The following CIITA variants were observed in gnomAD, a reference collection of about 807,000 sequenced individuals.
CIITA encodes the protein class II major histocompatibility complex transactivator, also known as MHC class II transactivator.
Under a neutral mutation model 115.1 loss-of-function variants are expected in CIITA, and 72 were observed. The ratio of observed to expected loss-of-function variants is 0.63; its 90% CI spans 0.52 to 0.76. CIITA has a LOEUF of 0.76. CIITA is among the 30% of genes least tolerant of loss of function. CIITA has a pLI of 0.00. For synonymous variants in CIITA, 763 were observed against 635.6 expected (o/e 1.20, Z -3.02); for missense variants, 1,617 against 1,463.8 (o/e 1.10, Z -1.71).
chr16:10,900,630 C>T (rs1298783991), intron 5 of CIITA, among the ~76,000 whole-genome samples: 1 of 151,990 alleles, frequency 6.6e-6, no homozygotes, highest in Non-Finnish European at 1.5e-5. Flanking sequence ...ATCCCAGCTA[C>T]CAGGGAGGCT....
chr16:10,867,106 T>C (rs931463892), intron 1 of CIITA, among the ~76,000 whole-genome samples: 3 of 152,022 alleles, frequency 2.0e-5, no homozygotes, highest in African/African-American at 4.8e-5. Context: ...CAGCCAGACA[T>C]CCTGGTGGGT....
chr16:10,899,484 G>T (rs929728058), intron 5 of CIITA, among the ~76,000 whole-genome samples: 34 of 152,308 alleles, frequency 2.2e-4, no homozygotes, highest in African/African-American at 7.9e-4. Flanking sequence ...CACCTTGTGT[G>T]TCTTTTTCCT....
In CIITA at chr16:10,901,496, C is replaced by A; in HGVS notation, c.437-18C>A. 6.2e-7 allele frequency: 1 copy of A among 1,614,004 alleles called. No homozygotes were observed. The highest frequency in any genetic ancestry group is 8.5e-7 in the Non-Finnish European group (1 of 1,179,980). On this transcript the variant is annotated intron_variant, in intron 5 of 19. Transcript: ENST00000324288. The surrounding 1 kb of genome is among the most constrained non-coding windows in gnomAD (Gnocchi z 6.8). Reference sequence around the variant, plus strand: ...ACATCCTCTCCCTGGGGCAGCTGATCACATGTTTTCTCTGCAGCCTTCCCA... The same window carrying A: ...ACATCCTCTCCCTGGGGCAGCTGATAACATGTTTTCTCTGCAGCCTTCCCA...
At position 10,879,531 on chromosome 16, in the gene CIITA, G is replaced by A. The variant is rs554196187; in HGVS notation, c.52+2149G>A. Among the ~76,000 whole-genome samples the A allele has an allele frequency of 1.3e-5, 2 of 152,176 alleles. No individual in the cohort carries two copies. Among genetic ancestry groups the A allele is most frequent in the South Asian group, 4.1e-4 (2 of 4,820 alleles). ...GGGTATTGGGCTCTCCAGGCGGGGG[G>A]CCCTGCTCAGGGAGGCAGTAGGGAG... On this transcript the variant is annotated intron_variant, in intron 1 of 19. Transcript: ENST00000324288. The surrounding 1 kb of genome is among the most constrained non-coding windows in gnomAD (Gnocchi z 4.3).
chr16:10,889,934 C>T (rs2037378290), intron 1 of CIITA, among the ~76,000 whole-genome samples: 1 of 152,202 alleles, frequency 6.6e-6, no homozygotes, highest in Non-Finnish European at 1.5e-5. Context: ...TTCACTGAGG[C>T]GTGTGAACCT....
intron 1 of CIITA, among the ~76,000 whole-genome samples, chr16:10,870,207 T>C (rs927237763): frequency 2.7e-5 from 4 of 147,550 alleles, no homozygotes; most frequent in African/African-American, 1.0e-4. Context: ...AGTACTGCTT[T>C]AGCTTCCTCT....
At chr16:10,893,072 C>T (rs1017206646) in intron 1 of CIITA, among the ~76,000 whole-genome samples, 1 of 152,102 alleles carries the variant, frequency 6.6e-6, no homozygotes, top group African/African-American at 2.4e-5. Context: ...GCCACTAAAG[C>T]TGAGTTTAGA....
intron 1 of CIITA, among the ~76,000 whole-genome samples, chr16:10,886,480 C>T (rs1280033314): frequency 1.3e-5 from 2 of 152,146 alleles, no homozygotes; most frequent in Admixed American, 1.3e-4. Context: ...AACATTTCTT[C>T]AGGATATATA....
Position 10,927,690 on chromosome 16 carries a change from C to G in CIITA, c.*3835C>G, listed in dbSNP as rs1386636942. 1 of 152,160 alleles carries G rather than the reference C, an allele frequency of 6.6e-6. No individual in the cohort carries two copies. The highest frequency in any genetic ancestry group is 2.4e-5 in the African/African-American group (1 of 41,426). The allele number at this position is 152,160 out of a possible 1,614,324, so 9.4% of individuals were successfully genotyped here. A position where few individuals can be genotyped will look rare whatever the true frequency, so the allele number is the denominator to read the frequency against. ...GAGTCCTGGTGTGGAGCCTTTTAAC[C>G]CAGAGGGGCATCTTTTCGTAGTTAA... On this transcript the variant is annotated 3_prime_UTR_variant, in exon 20 of 20. Transcript: ENST00000324288.
chr16:10,900,937 C>T (rs1029252075), intron 5 of CIITA, among the ~76,000 whole-genome samples: 8 of 152,134 alleles, frequency 5.3e-5, no homozygotes, highest in South Asian at 2.1e-4. Context: ...TTTCAATGTA[C>T]ATTTCAAATG....
At position 10,877,357 on chromosome 16, in the gene CIITA, T is replaced by C; in HGVS notation, c.27T>C (p.Ala9=). The change falls in exon 1 of 20, where the codon GCT becomes GCC. Residue 9 remains alanine, a synonymous_variant. Coordinates refer to ENST00000324288, the MANE Select transcript of CIITA (RefSeq NM_000246.4). MRCLAPRP[A]GSYLSEPQGS... Reference sequence around the variant, plus strand: ...TGCGTTGCCTGGCTCCACGCCCTGCTGGGTCCTACCTGTCAGAGCCCCAAG... The same window carrying C: ...TGCGTTGCCTGGCTCCACGCCCTGCCGGGTCCTACCTGTCAGAGCCCCAAG... 6.2e-7 allele frequency: 1 copy of C among 1,613,412 alleles called. No homozygotes were observed. Among genetic ancestry groups the C allele is most frequent in the Middle Eastern group, 1.7e-4 (1 of 6,050 alleles).
chr16:10,874,569 A>G (rs1221594746), upstream of CIITA, among the ~76,000 whole-genome samples: 1 of 152,236 alleles, frequency 6.6e-6, no homozygotes, highest in Non-Finnish European at 1.5e-5. Flanking sequence ...CTCTGCCATC[A>G]GTCAAACACA....
In CIITA at chr16:10,923,601, C is replaced by T. The variant is rs2040393134; in HGVS notation, c.*22+276C>T. Among the ~76,000 whole-genome samples the T allele has an allele frequency of 6.6e-6, 1 of 152,154 alleles. No homozygotes were observed. The highest frequency in any genetic ancestry group is 2.1e-4 in the South Asian group (1 of 4,824). ...ACAGCCTCAGTGCTTGGAAGAGCTT[C>T]CTTTGGGGACTCCAAGCCTTCCCAG... On this transcript the variant is annotated intron_variant, in intron 19 of 19. Transcript: ENST00000324288. The surrounding 1 kb of genome is among the most constrained non-coding windows in gnomAD (Gnocchi z 5.2).
intron 1 of CIITA, among the ~76,000 whole-genome samples, chr16:10,889,817 C>A (rs371787826): frequency 3.9e-5 from 6 of 152,314 alleles, no homozygotes; most frequent in African/African-American, 1.4e-4. Context: ...TTCTCCAGAA[C>A]TAATATTGGG....
intron 13 of CIITA, among the ~76,000 whole-genome samples, chr16:10,912,302 C>T (rs986347740): frequency 1.3e-5 from 2 of 152,032 alleles, no homozygotes; most frequent in South Asian, 2.1e-4. Context: ...TTAGTAGAGA[C>T]GGGCTTTAAC....
intron 1 of CIITA, among the ~76,000 whole-genome samples, chr16:10,869,606 C>T (rs1374497395): frequency 6.6e-6 from 1 of 151,718 alleles, no homozygotes. Context: ...CAACTTCCAT[C>T]TCCCAGGTTC....
chr16:10,866,355 G>A (rs372741836), intron 1 of CIITA: 3 of 568,694 alleles, frequency 5.3e-6, no homozygotes, highest in South Asian at 4.2e-5. Flanking sequence ...AGCCCAGCCT[G>A]GTGCAGGCCC....
At position 10,941,521 on chromosome 16, in the gene CIITA, T is replaced by C. The variant is rs2041101953; in HGVS notation, n.647T>C. ...CGGCCTGGGAATTCCTCCCTCTCCC[T>C]TGCTAGCGCCCCAACCCGCCCTCAT... On this transcript the variant is annotated non_coding_transcript_exon_variant, in exon 2 of 2. Transcript: ENST00000573379. The surrounding 1 kb of genome is among the most constrained non-coding windows in gnomAD (Gnocchi z 6.4). The C allele has an allele frequency of 1.4e-6, 2 of 1,397,882 alleles. No individual in the cohort carries two copies. The highest frequency in any genetic ancestry group is 9.3e-7 in the Non-Finnish European group (1 of 1,073,172). 86.6% of individuals were successfully genotyped at this position (1,397,882 alleles called of 1,614,324 possible).
chr16:10,881,567 T>C (rs1203581217), intron 1 of CIITA, among the ~76,000 whole-genome samples: 4 of 152,258 alleles, frequency 2.6e-5, no homozygotes, highest in Non-Finnish European at 5.9e-5. Context: ...GAGATTATTT[T>C]AGTAACATTG....
Sources: allele counts gnomAD v4.1 joint callset (sites outside exome capture counted in the v4.1 genomes callset), GRCh38; gene constraint gnomAD v4.1.1; non-coding constraint Gnocchi (gnomAD v3.1); transcripts MANE v1.5; gene names NCBI Gene and HGNC (gene_info 2026-07-23, HGNC 2026-07-21).